Variants in GTF2F2 observed in about 807,000 individuals in gnomAD.
GTF2F2 encodes ATP-dependent helicase GTF2F2.
A neutral mutation model predicts 42.2 loss-of-function variants in GTF2F2; 23 were observed. The observed-to-expected ratio is 0.55, with a 90% confidence interval of 0.39 to 0.77. GTF2F2 has a LOEUF of 0.77. GTF2F2 is among the 30% of genes least tolerant of loss of function. The pLI is 0.00. For missense variants in GTF2F2, 261 were observed against 287.2 expected (o/e 0.91, Z 0.66); for synonymous variants, 105 against 100.8 (o/e 1.04, Z -0.25).
At chr13:45,247,625 A>G (rs1022986373) in intron 5 of GTF2F2, among the ~76,000 whole-genome samples, 1 of 152,028 alleles carries the variant, frequency 6.6e-6, no homozygotes, top group Admixed American at 6.5e-5. Flanking sequence ...ATCTGACCTC[A>G]TGATCCACCT....
chr13:45,282,559 C>T (rs1228726145), intron 7 of GTF2F2, among the ~76,000 whole-genome samples: 1 of 152,194 alleles, frequency 6.6e-6, no homozygotes, highest in African/African-American at 2.4e-5. Flanking sequence ...GGCTAGAGTG[C>T]AATGGCACAG....
intron 4 of GTF2F2, among the ~76,000 whole-genome samples, chr13:45,177,403 A>T (rs1011257750): frequency 6.6e-6 from 1 of 152,214 alleles, no homozygotes; most frequent in Non-Finnish European, 1.5e-5. Flanking sequence ...GGAAAATTCC[A>T]GAAATAATAC....
At chr13:45,214,533 C>A (rs1873813828) in intron 5 of GTF2F2, among the ~76,000 whole-genome samples, 1 of 152,088 alleles carries the variant, frequency 6.6e-6, no homozygotes, top group Non-Finnish European at 1.5e-5. Flanking sequence ...TTGTTAACAG[C>A]CTAACTTTTC....
At chr13:45,203,375 G>C (rs1041745735) in intron 4 of GTF2F2, among the ~76,000 whole-genome samples, 5 of 151,866 alleles carry the variant, frequency 3.3e-5, no homozygotes, top group African/African-American at 1.2e-4. Context: ...GTGAGCCACT[G>C]CACCTGGCCC....
Position 45,182,379 on chromosome 13 carries a change from G to C in GTF2F2, c.305-25045G>C, listed in dbSNP as rs958049891. 1.6e-4 allele frequency among the ~76,000 whole-genome samples: 24 copies of C among 152,192 alleles called. No homozygotes were observed. In the South Asian group the frequency reaches 2.5e-3, roughly 16 times the overall value. On this transcript the variant is annotated intron_variant, in intron 4 of 7. Coordinates refer to ENST00000340473, the MANE Select transcript of GTF2F2 (RefSeq NM_004128.3). ...CCCAAAGTGCTGGGATTACAGGTATGAATCACTGCACCCGGCCACTTTCCC... is the reference window on the plus strand; with the variant it reads ...CCCAAAGTGCTGGGATTACAGGTATCAATCACTGCACCCGGCCACTTTCCC...
chr13:45,239,296 A>G (rs1366216382), intron 5 of GTF2F2, among the ~76,000 whole-genome samples: 1 of 152,220 alleles, frequency 6.6e-6, no homozygotes, highest in Non-Finnish European at 1.5e-5. Context: ...GATAGTAGAA[A>G]TGTTCTGATC....
chr13:45,235,440 ACTT>A (rs1185778433), intron 5 of GTF2F2, among the ~76,000 whole-genome samples: 2 of 151,148 alleles, frequency 1.3e-5, no homozygotes, highest in Non-Finnish European at 3.0e-5. Flanking sequence ...TTTTCTTCTG[ACTT>A]CTTAAGGACA....
chr13:45,275,076 A>G (rs1437662968), intron 7 of GTF2F2, among the ~76,000 whole-genome samples: 1 of 152,170 alleles, frequency 6.6e-6, no homozygotes, highest in African/African-American at 2.4e-5. Flanking sequence ...CCTACAGGGA[A>G]CCACTAATGT....
chr13:45,166,193 A>T (rs1281032867), intron 4 of GTF2F2, among the ~76,000 whole-genome samples: 1 of 152,218 alleles, frequency 6.6e-6, no homozygotes, highest in Non-Finnish European at 1.5e-5. Context: ...AAAAAAATTA[A>T]CAATTCCAAA....
At position 45,259,497 on chromosome 13, in the gene GTF2F2, A is replaced by G. The variant is rs1314590562; in HGVS notation, c.486+6527A>G. ...GGTTAATCTAATGGGGAGGCCAGCC[A>G]TCTTAAGTTTTTAAGCTTCTTGGGT... On this transcript the variant is annotated intron_variant, in intron 6 of 7. Transcript: ENST00000340473. 3.9e-5 allele frequency among the ~76,000 whole-genome samples: 6 copies of G among 152,142 alleles called. No homozygotes were observed. The South Asian group carries it at 8.3e-4, about 21-fold the overall frequency.
chr13:45,212,510 T>TC (rs1273532607), intron 5 of GTF2F2, among the ~76,000 whole-genome samples: 7 of 96,340 alleles, frequency 7.3e-5, no homozygotes, highest in African/African-American at 2.5e-4. Context: ...TTTCTTTCTT[T>TC]TCTTTCTTTC....
At chr13:45,271,144 T>C (rs1465793765) in intron 7 of GTF2F2, among the ~76,000 whole-genome samples, 1 of 151,902 alleles carries the variant, frequency 6.6e-6, no homozygotes, top group Non-Finnish European at 1.5e-5. Flanking sequence ...TATAAAAAAT[T>C]AGCCAGGCGT....
In GTF2F2 at chr13:45,280,542, T is replaced by A. The variant is rs549085119; in HGVS notation, c.631-2900T>A. 3.3e-5 allele frequency among the ~76,000 whole-genome samples: 5 copies of A among 152,334 alleles called. No homozygotes were observed. In the East Asian group the frequency reaches 9.6e-4, roughly 29 times the overall value. ...TGTGTCCCCTACCCCCTGATCACAG[T>A]ACATTGTGACCCTGATTGCATTTTG... On this transcript the variant is annotated intron_variant, in intron 7 of 7. Coordinates refer to ENST00000340473, the MANE Select transcript of GTF2F2 (RefSeq NM_004128.3).
chr13:45,174,412 G>A (rs1443673764), intron 4 of GTF2F2, among the ~76,000 whole-genome samples: 4 of 152,044 alleles, frequency 2.6e-5, no homozygotes, highest in African/African-American at 4.8e-5. Flanking sequence ...CCCCTCAAAA[G>A]CTGCCAGGTA....
chr13:45,177,120 G>T (rs1398115555), intron 4 of GTF2F2, among the ~76,000 whole-genome samples: 1 of 152,062 alleles, frequency 6.6e-6, no homozygotes, highest in Non-Finnish European at 1.5e-5. Flanking sequence ...GTGTGAGATA[G>T]GGGTCAAATT....
chr13:45,184,580 A>T (rs998054613), intron 4 of GTF2F2, among the ~76,000 whole-genome samples: 3 of 151,656 alleles, frequency 2.0e-5, no homozygotes, highest in Non-Finnish European at 2.9e-5. Flanking sequence ...TGAAATCCTC[A>T]CCTGCTTTTC....
intron 7 of GTF2F2, among the ~76,000 whole-genome samples, chr13:45,280,275 T>C (rs1310564171): frequency 4.6e-5 from 7 of 152,208 alleles, no homozygotes; most frequent in African/African-American, 1.7e-4. Context: ...TGGAATTTAA[T>C]GTGTAGCCCA....
chr13:45,145,135 C>T (rs567374842), intron 2 of GTF2F2, among the ~76,000 whole-genome samples: 1 of 152,266 alleles, frequency 6.6e-6, no homozygotes, highest in South Asian at 2.1e-4. Flanking sequence ...AAATTCATGC[C>T]TTTCATCCAG....
At chr13:45,254,833 G>A (rs1192587948) in intron 6 of GTF2F2, among the ~76,000 whole-genome samples, 1 of 152,162 alleles carries the variant, frequency 6.6e-6, no homozygotes, top group East Asian at 1.9e-4. Flanking sequence ...TGTTGTTTAA[G>A]ATTACCTTTG....
Sources: gnomAD v4.1 joint callset for allele counts (sites outside exome capture counted in the v4.1 genomes callset) on GRCh38, gnomAD v4.1.1 for gene constraint, MANE v1.5 for transcripts, NCBI Gene and HGNC (gene_info 2026-07-23, HGNC 2026-07-21) for gene names.